The following PCDHA3 variants were observed in gnomAD, a reference collection of about 807,000 sequenced individuals.
PCDHA3 encodes protocadherin alpha 3.
In PCDHA3, 41 loss-of-function variants were observed where a neutral mutation model predicts 62.2. That is an observed-to-expected ratio of 0.66 (90% CI 0.51 to 0.86). The LOEUF (loss-of-function observed/expected upper bound fraction) is 0.86, where lower values mean the gene tolerates loss of function less well. Ranked by LOEUF, PCDHA3 falls within the 40% of genes least tolerant of loss-of-function variation. The pLI, the probability that PCDHA3 is intolerant of heterozygous loss-of-function variation, is 0.00. For synonymous variants in PCDHA3, 640 were observed against 555.4 expected, an observed-to-expected ratio of 1.15 and a Z score of -2.14; for missense variants, 1,304 against 1,241.2, an observed-to-expected ratio of 1.05 and a Z score of -0.76.
intron 1 of PCDHA3, among the ~76,000 whole-genome samples, chr5:140,891,067 C>G (rs2062935872): frequency 6.6e-6 from 1 of 152,096 alleles, no homozygotes; most frequent in Admixed American, 6.6e-5. Flanking sequence ...AAATATTATT[C>G]CAGTGTCTAC....
At chr5:140,836,368 C>G (rs183521691) in intron 1 of PCDHA3, 2 of 1,613,746 alleles carry the variant, frequency 1.2e-6, no homozygotes, top group African/African-American at 1.3e-5. Flanking sequence ...CTGACAGCCA[C>G]AGCCACCGTG....
chr5:140,849,999 C>A, intron 1 of PCDHA3: 1 of 1,597,044 alleles, frequency 6.3e-7, no homozygotes, highest in East Asian at 2.2e-5. Flanking sequence ...GTTGGGCGAG[C>A]GCTCGCTGTC....
In PCDHA3 at chr5:140,851,734, A is replaced by G. The variant is rs2042144947; in HGVS notation, c.2394+48143A>G. 4.1e-6 allele frequency: 4 copies of G among 971,568 alleles called. 1 individual carries two copies. In the South Asian group the frequency reaches 1.9e-4, roughly 46 times the overall value. 60.2% of individuals were successfully genotyped at this position (971,568 alleles called of 1,614,324 possible). On this transcript the variant is annotated intron_variant, in intron 1 of 3. Coordinates refer to ENST00000522353, the MANE Select transcript of PCDHA3 (RefSeq NM_018906.3). ...AGATTCGAAACTTCGAGTTCTTTTG[A>G]AATTCAGAGTCTGTAACTTAAAACA...
chr5:140,878,658 G>T (rs139171755), intron 1 of PCDHA3, among the ~76,000 whole-genome samples: 120 of 152,200 alleles, frequency 7.9e-4, no homozygotes, highest in African/African-American at 2.7e-3. Flanking sequence ...ATATCCAGAG[G>T]CTTCTCTTTA....
rs2150175882 is a variant in PCDHA3, at chr5:140,829,839, G to A, written c.2394+26248G>A. The A allele has an allele frequency of 1.2e-6, 2 of 1,613,930 alleles. No individual in the cohort carries two copies. The highest frequency in any genetic ancestry group is 1.3e-5 in the African/African-American group (1 of 75,056). ...GGTGCAGTGAGCGAGCTGGTGCCGC[G>A]GTCACTGGGTGCAGGCCAAGTGGTG... On this transcript the variant is annotated intron_variant, in intron 1 of 3. Transcript: ENST00000522353.
At chr5:140,882,247 T>C in intron 1 of PCDHA3, 1 of 1,594,292 alleles carries the variant, frequency 6.3e-7, no homozygotes, top group Non-Finnish European at 8.6e-7. Context: ...TGCAGATAGC[T>C]CTGAGGTTTT....
At chr5:140,982,608 T>C (rs782789536) in intron 3 of PCDHA3, 45 bp downstream of exon 3, 1 of 1,601,306 alleles carries the variant, frequency 6.2e-7, no homozygotes, top group Non-Finnish European at 8.5e-7. Flanking sequence ...TTCTGGAAAG[T>C]GATCAGATGA....
At chr5:140,883,675 G>T (rs782140381) in intron 1 of PCDHA3, 5 of 1,613,894 alleles carry the variant, frequency 3.1e-6, no homozygotes, top group Non-Finnish European at 4.2e-6. Context: ...AAAACAATCC[G>T]CCGGGCTGCC....
chr5:140,914,590 T>C (rs886666163), intron 1 of PCDHA3, among the ~76,000 whole-genome samples: 1 of 152,208 alleles, frequency 6.6e-6, no homozygotes, highest in African/African-American at 2.4e-5. Flanking sequence ...TTCATTTAAG[T>C]AGGAACTTCC....
At chr5:140,865,669 A>G (rs546524670) in intron 1 of PCDHA3, 4 of 152,306 alleles carry the variant, frequency 2.6e-5, no homozygotes, top group African/African-American at 9.6e-5. Flanking sequence ...ACTTATAACA[A>G]TTTCTAAAGT....
intron 1 of PCDHA3, among the ~76,000 whole-genome samples, chr5:140,897,778 TG>T (rs1385536315): frequency 6.6e-6 from 1 of 152,208 alleles, no homozygotes; most frequent in Non-Finnish European, 1.5e-5. Flanking sequence ...ACTTCCACAA[TG>T]GTTGAACTAG....
chr5:140,888,487 ACT>A (rs1486157760), intron 1 of PCDHA3, among the ~76,000 whole-genome samples: 1 of 152,162 alleles, frequency 6.6e-6, no homozygotes, highest in Non-Finnish European at 1.5e-5. Flanking sequence ...CTGTTGAGAA[ACT>A]CTGCTTTAAA....
rs200912451 is a variant in PCDHA3 at position 140,850,965 on chromosome 5, G to A, written c.2394+47374G>A. The A allele has an allele frequency of 1.1e-4, 159 of 1,464,076 alleles. 6 individuals are homozygous for A. The highest frequency in any genetic ancestry group is 1.3e-4 in the Non-Finnish European group (139 of 1,096,434). 90.7% of individuals were successfully genotyped at this position (1,464,076 alleles called of 1,614,324 possible). On this transcript the variant is annotated intron_variant, in intron 1 of 3. Transcript: ENST00000522353. The stretch of plus-strand genomic sequence containing the variant: ...ATATTATCGATTACTCCCAGGGGCC[G>A]TTCAAATAGTTTTATTCATTTTTCT...
At chr5:140,941,506 G>A (rs556309408) in intron 1 of PCDHA3, among the ~76,000 whole-genome samples, 3 of 151,236 alleles carry the variant, frequency 2.0e-5, no homozygotes, top group Non-Finnish European at 4.4e-5. Flanking sequence ...TAGTAGAGAC[G>A]AGGTTTCACC....
chr5:140,843,940 T>C (rs1562418437), intron 1 of PCDHA3: 1 of 573,848 alleles, frequency 1.7e-6, no homozygotes, highest in South Asian at 2.4e-5. Flanking sequence ...TATGGTTGGA[T>C]GATATCCATT....
At chr5:141,005,944 C>T (rs1563696119) in intron 3 of PCDHA3, among the ~76,000 whole-genome samples, 1 of 151,862 alleles carries the variant, frequency 6.6e-6, no homozygotes, top group African/African-American at 2.4e-5. Context: ...GAGAACCTAT[C>T]TCTAACAAAC....
At chr5:140,825,958 C>T (rs2150141967) in intron 1 of PCDHA3, 17 of 152,338 alleles carry the variant, frequency 1.1e-4, no homozygotes, top group African/African-American at 2.7e-4. Context: ...CATTTGTCTA[C>T]TCTTTTGAGG....
intron 1 of PCDHA3, chr5:140,836,693 G>A: frequency 1.2e-6 from 2 of 1,613,422 alleles, no homozygotes; most frequent in African/African-American, 2.7e-5. Flanking sequence ...CAGACCTCAT[G>A]GCCTTCAGTC....
At chr5:140,810,277 A>G in intron 1 of PCDHA3, 1 of 152,252 alleles carries the variant, frequency 6.6e-6, no homozygotes, top group East Asian at 1.9e-4. Flanking sequence ...TCTATTTCAA[A>G]TAATGCCATC....
Sources: gnomAD v4.1 joint callset for allele counts (sites outside exome capture counted in the v4.1 genomes callset) on GRCh38, gnomAD v4.1.1 for gene constraint, MANE v1.5 for transcripts, NCBI Gene and HGNC (gene_info 2026-07-23, HGNC 2026-07-21) for gene names.